WDR1: variants seen among roughly 807,000 people sequenced by gnomAD.
WDR1 encodes WD repeat-containing protein 1.
In WDR1, 21 loss-of-function variants were observed where a neutral mutation model predicts 71.9. The ratio of observed to expected loss-of-function variants is 0.29; its 90% CI spans 0.21 to 0.42. The LOEUF is 0.42. Ranked by LOEUF, WDR1 falls within the 10% of genes least tolerant of loss-of-function variation. The pLI is 1.00. For missense variants in WDR1, 696 were observed against 824.5 expected (o/e 0.84, Z 1.91); for synonymous variants, 424 against 347.4 (o/e 1.22, Z -2.45).
chr4:10,075,835 G>A (rs1235624793), intron 14 of WDR1: 1 of 355,388 alleles, frequency 2.8e-6, no homozygotes, highest in African/African-American at 2.1e-5. Context: ...ATGACATGCA[G>A]ACACCACACA....
At position 10,088,239 on chromosome 4, in the gene WDR1, ACG is replaced by A. The variant is rs199694636; in HGVS notation, c.717+52_717+53del. 1.6e-3 allele frequency: 2,337 copies of A among 1,492,132 alleles called. 45 individuals carry two copies. In the Admixed American group the frequency reaches 0.041, roughly 26 times the overall value. The allele number at this position is 1,492,132 out of a possible 1,614,324, so 92.4% of individuals were successfully genotyped here. On this transcript the variant is annotated intron_variant, in intron 7 of 14. Transcript: ENST00000499869. ...CCGGAGTGAGTGTGGATGGACTGACACGTGGACTCGGCCAAATTCCCACCACT... is the reference window on the plus strand; with the variant it reads ...CCGGAGTGAGTGTGGATGGACTGACATGGACTCGGCCAAATTCCCACCACT...
At chr4:10,097,330 G>C (rs1263586182) in intron 5 of WDR1, among the ~76,000 whole-genome samples, 1 of 152,270 alleles carries the variant, frequency 6.6e-6, no homozygotes, top group African/African-American at 2.4e-5. Context: ...TGTCCCGCAA[G>C]CTCCCTTCCT....
rs1194124312 is a variant in WDR1, at chr4:10,081,520, A to T, written c.1197-76T>A. 34 of 1,407,232 alleles carry T rather than the reference A, an allele frequency of 2.4e-5. No homozygotes were observed. The East Asian group carries it at 8.0e-4, about 33-fold the overall frequency. 87.2% of individuals were successfully genotyped at this position (1,407,232 alleles called of 1,614,324 possible). On this transcript the variant is annotated intron_variant, in intron 10 of 14. Coordinates refer to ENST00000499869, the MANE Select transcript of WDR1 (RefSeq NM_017491.5). ...TAGGTATGCATACATATTTACTGTT[A>T]AACCACAGTTTTGCTCCTTAGAAGG...
chr4:10,077,930 C>T lies in WDR1; in HGVS notation c.1396-4G>A, dbSNP rs777167116. The T allele has an allele frequency of 1.0e-4, 165 of 1,599,298 alleles. 1 individual carries two copies. Among genetic ancestry groups the T allele is most frequent in the Non-Finnish European group, 1.3e-4 (154 of 1,171,448 alleles). On this transcript the variant is annotated splice_region_variant and splice_polypyrimidine_tract_variant and intron_variant, in intron 12 of 14. Transcript: ENST00000499869. ...AATACAGGCGGACGTTGCCGTCCTA[C>T]GGCAGGGACAGAGAGGAAGTGAGCC... is the stretch of plus-strand genomic sequence containing the variant.
chr4:10,112,003 A>G (rs1713401974), intron 2 of WDR1, among the ~76,000 whole-genome samples: 1 of 152,150 alleles, frequency 6.6e-6, no homozygotes, highest in Non-Finnish European at 1.5e-5. Context: ...CTGCATAGCA[A>G]ATCTGCTGGC....
chr4:10,110,680 C>G (rs796926452), intron 2 of WDR1, among the ~76,000 whole-genome samples: 13 of 152,220 alleles, frequency 8.5e-5, no homozygotes, highest in African/African-American at 3.1e-4. Flanking sequence ...CCAGAGCACC[C>G]AGGGCATTGT....
chr4:10,102,837 C>G (rs1482351829), intron 3 of WDR1, among the ~76,000 whole-genome samples: 1 of 152,212 alleles, frequency 6.6e-6, no homozygotes, highest in East Asian at 1.9e-4. Flanking sequence ...ATAGCTGTCA[C>G]TCTCCAGAGA....
At chr4:10,099,188 A>ACG in intron 3 of WDR1, 49 bp from the exon 4 acceptor site, 3 of 414,388 alleles carry the variant, frequency 7.2e-6, no homozygotes, top group Non-Finnish European at 1.3e-5. Flanking sequence ...GGTGGGGTAA[A>ACG]GGGCAGGGGG....
chr4:10,095,555 G>C (rs542933559), intron 5 of WDR1, among the ~76,000 whole-genome samples: 7 of 152,142 alleles, frequency 4.6e-5, no homozygotes, highest in Non-Finnish European at 8.8e-5. Context: ...TGGAGAGCAC[G>C]ACCGCAGCTT....
chr4:10,083,403 G>C (rs1248356287), intron 9 of WDR1, among the ~76,000 whole-genome samples: 2 of 152,248 alleles, frequency 1.3e-5, no homozygotes, highest in Non-Finnish European at 2.9e-5. Context: ...GGCAGAAAGG[G>C]AGCCGTGCTG....
chr4:10,116,037 A>C (rs994722386), intron 2 of WDR1, 76 bp downstream of exon 2: 2 of 1,548,474 alleles, frequency 1.3e-6, no homozygotes, highest in African/African-American at 1.4e-5. Context: ...GGAGGTGAGA[A>C]GTGGAGAGGA....
chr4:10,085,023 C>T (rs576889341), intron 8 of WDR1, among the ~76,000 whole-genome samples: 1 of 152,360 alleles, frequency 6.6e-6, no homozygotes, highest in South Asian at 2.1e-4. Flanking sequence ...TCTCTCTGAT[C>T]ACTGTAAAAG....
At chr4:10,089,621 G>A (rs1711833619) in intron 5 of WDR1, among the ~76,000 whole-genome samples, 1 of 152,216 alleles carries the variant, frequency 6.6e-6, no homozygotes, top group African/African-American at 2.4e-5. Context: ...CCCTCTTGCT[G>A]CCCACCTGCA....
At chr4:10,076,932 T>C in intron 14 of WDR1, 1 of 206,742 alleles carries the variant, frequency 4.8e-6, no homozygotes, top group Non-Finnish European at 9.7e-6. Flanking sequence ...TTTTTAAATG[T>C]GGCTACCAGG....
chr4:10,090,927 T>C (rs948773834), intron 5 of WDR1, among the ~76,000 whole-genome samples: 3 of 152,216 alleles, frequency 2.0e-5, no homozygotes, highest in South Asian at 2.1e-4. Flanking sequence ...TCGTCCTCTG[T>C]AGGTTGTGGT....
intron 8 of WDR1, among the ~76,000 whole-genome samples, chr4:10,086,927 A>G (rs1233438861): frequency 1.3e-5 from 2 of 152,182 alleles, no homozygotes; most frequent in Non-Finnish European, 2.9e-5. Context: ...CTGAGGATAC[A>G]GAAGGGACCC....
chr4:10,079,617 G>A (rs531321507), intron 11 of WDR1, among the ~76,000 whole-genome samples: 8 of 152,256 alleles, frequency 5.3e-5, no homozygotes, highest in South Asian at 2.1e-4. Flanking sequence ...CAATTCTTCC[G>A]GTTCTAACTT....
At chr4:10,081,276 C>T (rs1765003657) in intron 11 of WDR1, 81 bp downstream of exon 11, 18 of 1,404,964 alleles carry the variant, frequency 1.3e-5, no homozygotes, top group Non-Finnish European at 1.7e-5. Flanking sequence ...GAGCAACTGT[C>T]AAACGGGACA....
chr4:10,082,153 G>T (rs1457363657), intron 10 of WDR1, among the ~76,000 whole-genome samples: 1 of 152,182 alleles, frequency 6.6e-6, no homozygotes, highest in African/African-American at 2.4e-5. Context: ...AGATGCCTGG[G>T]CTCTGGGGCC....
Sources: gnomAD v4.1 joint callset for allele counts (sites outside exome capture counted in the v4.1 genomes callset) on GRCh38, gnomAD v4.1.1 for gene constraint, MANE v1.5 for transcripts, NCBI Gene and HGNC (gene_info 2026-07-23, HGNC 2026-07-21) for gene names.